Variants in LARP6 observed in about 807,000 individuals in gnomAD.
LARP6 encodes the protein la-related protein 6.
Under a neutral mutation model 32.8 loss-of-function variants are expected in LARP6, and 18 were observed. The observed-to-expected ratio is 0.55, with a 90% CI of 0.38 to 0.81. The LOEUF (loss-of-function observed/expected upper bound fraction) is 0.81. Ranked by LOEUF, LARP6 falls within the 40% of genes least tolerant of loss-of-function variation. The pLI, the probability that LARP6 is intolerant of heterozygous loss-of-function variation, is 0.00. For missense variants in LARP6, 598 were observed against 663.1 expected (o/e 0.90, Z 1.08); for synonymous variants, 289 against 267.2 (o/e 1.08, Z -0.80).
chr15:70,842,596 C>T (rs2032277183), intron 1 of LARP6, among the ~76,000 whole-genome samples: 1 of 152,204 alleles, frequency 6.6e-6, no homozygotes, highest in South Asian at 2.1e-4. Context: ...TAACTTCTCA[C>T]CTTCTGCAGA....
rs1273692236 is a variant in LARP6 at position 70,832,736 on chromosome 15, C to T, written c.792G>A (p.Glu264=). 2 of 1,596,758 alleles carry T rather than the reference C, an allele frequency of 1.3e-6. No homozygotes were observed. Among genetic ancestry groups the T allele is most frequent in the Non-Finnish European group, 1.7e-6 (2 of 1,173,484 alleles). ...GTQECAIVEF[E]EVEAAIKAHE... is the part of the protein sequence containing the mutation. The stretch of plus-strand genomic sequence containing the variant: ...GGGCTTTGATGGCTGCTTCCACCTC[C>T]TCGAACTCCACGATGGCGCACTCCT... The change falls in exon 3 of 3, where the codon GAG becomes GAA. Residue 264 remains glutamate (E), a synonymous_variant. Transcript: ENST00000299213.
rs1567019498 is a variant in LARP6 at position 70,832,267 on chromosome 15, A to G, written c.1261T>C (p.Ser421Pro). 4 of 1,614,190 alleles carry G rather than the reference A, an allele frequency of 2.5e-6. No homozygotes were observed. The highest frequency in any genetic ancestry group is 3.4e-6 in the Non-Finnish European group (4 of 1,180,030). Residue 421 changes from serine to proline, a missense_variant, in exon 3 of 3, where the codon TCT becomes CCT. By Grantham distance (74) the Ser-to-Pro change is moderately conservative. This residue lies in a region of LARP6 where 368 missense variants were observed against 397.9 expected (regional missense o/e 0.92). Transcript: ENST00000299213. Reference protein sequence around the residue: ...EIFRKCMDYSSDSSVTPSGSP... With the variant: ...EIFRKCMDYSPDSSVTPSGSP... ...CCAGAGGGAGTGACGCTGCTGTCAG[A>G]GGAATAATCCATACACTTGCGGAAG...
At chr15:70,851,388 C>T in intron 1 of LARP6, 1 of 1,049,368 alleles carries the variant, frequency 9.5e-7, no homozygotes, top group Non-Finnish European at 1.2e-6. Context: ...GGAAAGGCAT[C>T]TTTTTAATGA....
At chr15:70,849,418 G>A (rs770806762) in intron 1 of LARP6, 36 of 152,944 alleles carry the variant, frequency 2.4e-4, no homozygotes, top group Non-Finnish European at 3.6e-4. Context: ...TCTTAGTTCT[G>A]TCCACTGAAA....
chr15:70,852,913 C>T (rs1012367224), intron 1 of LARP6, among the ~76,000 whole-genome samples: 6 of 152,170 alleles, frequency 3.9e-5, no homozygotes, highest in Admixed American at 1.3e-4. Flanking sequence ...AGTAGATATA[C>T]GCTTGCCAGG....
intron 1 of LARP6, among the ~76,000 whole-genome samples, chr15:70,841,006 T>C (rs2032245954): frequency 2.0e-5 from 3 of 151,566 alleles, no homozygotes; most frequent in South Asian, 2.1e-4. Flanking sequence ...CTCCGCCTCC[T>C]GGGTTCATGC....
chr15:70,838,658 G>A (rs958382324), intron 1 of LARP6, among the ~76,000 whole-genome samples: 1 of 152,106 alleles, frequency 6.6e-6, no homozygotes, highest in Non-Finnish European at 1.5e-5. Flanking sequence ...CCTTAGGAGG[G>A]CTAATCTTTC....
chr15:70,842,474 C>T (rs2032275056), intron 1 of LARP6, among the ~76,000 whole-genome samples: 3 of 152,140 alleles, frequency 2.0e-5, no homozygotes, highest in Non-Finnish European at 2.9e-5. Flanking sequence ...GCCTGTCCAC[C>T]GCCCCACACC....
At chr15:70,843,547 G>T (rs1297751565) in intron 1 of LARP6, among the ~76,000 whole-genome samples, 1 of 151,056 alleles carries the variant, frequency 6.6e-6, no homozygotes, top group Non-Finnish European at 1.5e-5. Flanking sequence ...CATAAAATGA[G>T]TATTTGGGGT....
Position 70,847,389 on chromosome 15 carries a change from A to G in LARP6, c.200+6500T>C, listed in dbSNP as rs905802135. Among the ~76,000 whole-genome samples the G allele has an allele frequency of 3.3e-5, 5 of 151,342 alleles. 1 individual carries two copies. Among genetic ancestry groups the G allele is most frequent in the Admixed American group, 3.3e-4 (5 of 15,254 alleles). ...GTGCTGAATTTTTTTTTTTTTTTAA[A>G]TATGTTGTCTCACTCTATCGCCTAG... is the stretch of plus-strand genomic sequence containing the variant. On this transcript the variant is annotated intron_variant, in intron 1 of 2. Coordinates refer to ENST00000299213, the MANE Select transcript of LARP6 (RefSeq NM_018357.4).
At chr15:70,838,633 T>G (rs1254674619) in intron 1 of LARP6, among the ~76,000 whole-genome samples, 2 of 152,150 alleles carry the variant, frequency 1.3e-5, no homozygotes, top group Admixed American at 6.5e-5. Context: ...GCCAAAGCAA[T>G]CCTGGACAGA....
In LARP6 at chr15:70,830,444, T is replaced by C. The variant is rs1249820374; in HGVS notation, c.*1608A>G. 11 of 152,188 alleles carry C rather than the reference T, an allele frequency of 7.2e-5. No individual in the cohort carries two copies. The highest frequency in any genetic ancestry group is 6.5e-4 in the Admixed American group (10 of 15,278). 9.4% of individuals were successfully genotyped at this position (152,188 alleles called of 1,614,324 possible). ...AGGTGCTGAATAAATATTAGCACCT[T>C]TTATGGTGGATTCTTTTTTGAATAT... On this transcript the variant is annotated 3_prime_UTR_variant, in exon 3 of 3. Transcript: ENST00000299213.
At chr15:70,853,832 C>A in intron 1 of LARP6, 57 bp downstream of exon 1, 1 of 1,177,140 alleles carries the variant, frequency 8.5e-7, no homozygotes, top group Non-Finnish European at 1.1e-6. Context: ...GCCCCGAACT[C>A]GCGCGCGGCC....
chr15:70,853,989 C>G lies in LARP6; in HGVS notation c.100G>C (p.Glu34Gln), dbSNP rs1283174806. Residue 34 changes from glutamate to glutamine, a missense_variant, in exon 1 of 3, where the codon GAG (glutamate) becomes CAG (glutamine). Coordinates refer to ENST00000299213, the MANE Select transcript of LARP6 (RefSeq NM_018357.4). ...EAEDVDELEDEEEGAETRGAG... is the reference protein window; with the variant it reads ...EAEDVDELEDQEEGAETRGAG... ...CCCCGAGTCTCCGCCCCCTCCTCCT[C>G]GTCCTCCAACTCGTCCACGTCCTCG... is the stretch of plus-strand genomic sequence containing the variant. The G allele has an allele frequency of 6.8e-7, 1 of 1,465,176 alleles. No homozygotes were observed. The allele number at this position is 1,465,176 out of a possible 1,614,324, so 90.8% of individuals were successfully genotyped here. A position where few individuals can be genotyped will look rare whatever the true frequency, so the allele number is the denominator to read the frequency against.
intron 1 of LARP6, among the ~76,000 whole-genome samples, chr15:70,836,935 C>G (rs1282691276): frequency 1.3e-5 from 2 of 152,194 alleles, no homozygotes; most frequent in Admixed American, 1.3e-4. Context: ...CAATATATTT[C>G]TGTTGTTCTA....
intron 1 of LARP6, chr15:70,848,811 T>G (rs1456128843): frequency 1.3e-5 from 2 of 151,838 alleles, no homozygotes; most frequent in Non-Finnish European, 1.5e-5. Flanking sequence ...AAAAACATCA[T>G]GGAAAAAAAG....
At chr15:70,853,779 G>T in intron 1 of LARP6, 110 bp downstream of exon 1, 2 of 829,992 alleles carry the variant, frequency 2.4e-6, no homozygotes, top group Non-Finnish European at 1.6e-6. Context: ...CGGCGGGGCT[G>T]ACTCAACCCC....
chr15:70,832,493 G>T lies in LARP6; in HGVS notation c.1035C>A (p.Asn345Lys). 1.3e-6 allele frequency: 2 copies of T among 1,545,690 alleles called. No homozygotes were observed. The highest frequency in any genetic ancestry group is 2.2e-5 in the East Asian group (1 of 44,498). Reference sequence around the variant, plus strand: ...GTCGGCCCGCCATAGGGGATGTGGGGTTGCTCTCGGGGTCAGAGGAGCTGT... The same window carrying T: ...GTCGGCCCGCCATAGGGGATGTGGGTTTGCTCTCGGGGTCAGAGGAGCTGT... ...SANSSSDPES[N>K]PTSPMAGRRH... The change falls in exon 3 of 3, where the codon AAC becomes AAA. Residue 345 changes from asparagine (N) to lysine (K), a missense_variant. Physicochemically the swap from Asn to Lys is moderately conservative, Grantham distance 94. Transcript: ENST00000299213.
In LARP6 at chr15:70,843,649, C is replaced by CTTT. The variant is rs67996815; in HGVS notation, c.201-7147_201-7145dup. On this transcript the variant is annotated intron_variant, in intron 1 of 2. Coordinates refer to ENST00000299213, the MANE Select transcript of LARP6 (RefSeq NM_018357.4). ...AGCCTTTTATTTATGGTTTTGGTGT[C>CTTT]TTTTTTTTTTTTTTTTTTTTTTTTG... Among the ~76,000 whole-genome samples the CTTT allele has an allele frequency of 2.8e-3, 223 of 80,596 alleles. 1 individual carries two copies. Among genetic ancestry groups the CTTT allele is most frequent in the African/African-American group, 3.5e-3 (78 of 22,310 alleles). 52.9% of individuals were successfully genotyped at this position (80,596 alleles called of 152,430 possible). A position where few individuals can be genotyped will look rare whatever the true frequency, so the allele number is the denominator to read the frequency against.
Sources: gnomAD v4.1 joint callset for allele counts (sites outside exome capture counted in the v4.1 genomes callset) on GRCh38, gnomAD v4.1.1 for gene constraint, gnomAD v4.1.1 regional missense constraint, MANE v1.5 for transcripts, NCBI Gene and HGNC (gene_info 2026-07-23, HGNC 2026-07-21) for gene names.